Variants in ANKRD62 observed in about 807,000 individuals in gnomAD.
ANKRD62 encodes the protein ankyrin repeat domain-containing protein 62.
Under a neutral mutation model 98.8 loss-of-function variants are expected in ANKRD62, and 61 were observed. That is an observed-to-expected ratio of 0.62 (90% confidence interval 0.50 to 0.76). ANKRD62 has a LOEUF of 0.76. Among genes scored for constraint, ANKRD62 ranks in the 30% least tolerant of loss-of-function variants. ANKRD62 has a pLI of 0.00. For synonymous variants in ANKRD62, 341 were observed against 367.9 expected (o/e 0.93, Z 0.84); for missense variants, 933 against 1,082.9 (o/e 0.86, Z 1.94).
chr18:12,169,994 A>G, the ANKRD62 span, among the ~76,000 whole-genome samples: 1 of 151,950 alleles, frequency 6.6e-6, no homozygotes, highest in African/African-American at 2.4e-5. Context: ...ATCATTTTTT[A>G]TTGCATCTAT....
chr18:12,158,146 G>T, the ANKRD62 span, among the ~76,000 whole-genome samples: 3 of 152,212 alleles, frequency 2.0e-5, no homozygotes, highest in East Asian at 5.8e-4. Flanking sequence ...TCAGAGACAG[G>T]CCTAGGTCTA....
rs1909549532 is a variant in ANKRD62, at chr18:12,111,973, G to A, written c.1065-3115G>A. ...AAAAATACAAAAATTAGCCGGGCGT[G>A]GTGGCAGGCACCTGTAATCTCAGTT... On this transcript the variant is annotated intron_variant, in intron 8 of 13. Transcript: ENST00000587848. Among the ~76,000 whole-genome samples, 6 of 152,106 alleles carry A rather than the reference G, an allele frequency of 3.9e-5. No individual in the cohort carries two copies. The South Asian group carries it at 8.3e-4, about 21-fold the overall frequency.
the ANKRD62 span, among the ~76,000 whole-genome samples, chr18:12,152,595 G>C: frequency 6.6e-6 from 1 of 152,146 alleles, no homozygotes; most frequent in African/African-American, 2.4e-5. Context: ...AATAATAAGA[G>C]CTATTCATGA....
the ANKRD62 span, among the ~76,000 whole-genome samples, chr18:12,159,276 T>C: frequency 1.3e-5 from 2 of 152,222 alleles, no homozygotes; most frequent in Non-Finnish European, 2.9e-5. Context: ...ATTTAGTTCA[T>C]TTTCTTTAAC....
chr18:12,133,522 A>G (rs1910036984), downstream of ANKRD62, among the ~76,000 whole-genome samples: 2 of 152,114 alleles, frequency 1.3e-5, no homozygotes, highest in South Asian at 2.1e-4. Context: ...GAGGGTTCCA[A>G]TTTCTTCACA....
chr18:12,174,294 T>C, the ANKRD62 span, among the ~76,000 whole-genome samples: 221 of 152,368 alleles, frequency 1.5e-3, 1 homozygote, highest in Non-Finnish European at 1.1e-3. Flanking sequence ...GTTCTGCTAT[T>C]AATACTTGGG....
intron 11 of ANKRD62, among the ~76,000 whole-genome samples, chr18:12,122,915 A>G (rs961972095): frequency 2.4e-4 from 37 of 152,300 alleles, no homozygotes; most frequent in Non-Finnish European, 4.6e-4. Flanking sequence ...GGAGCTTTTT[A>G]AAAGAGATCG....
chr18:12,122,258 C>A, intron 10 of ANKRD62, 45 bp from the exon 11 acceptor site: 4 of 1,406,496 alleles, frequency 2.8e-6, no homozygotes, highest in Non-Finnish European at 2.9e-6. Context: ...TATTTAAAAA[C>A]CTACTCATGT....
intron 5 of ANKRD62, among the ~76,000 whole-genome samples, chr18:12,098,987 G>A (rs1909243244): frequency 6.6e-6 from 1 of 152,192 alleles, no homozygotes; most frequent in African/African-American, 2.4e-5. Flanking sequence ...CTATTTTAAT[G>A]AGACAATCTA....
At chr18:12,138,011 G>T in the ANKRD62 span, among the ~76,000 whole-genome samples, 1 of 151,912 alleles carries the variant, frequency 6.6e-6, no homozygotes, top group South Asian at 2.1e-4. Context: ...TGGATTCATT[G>T]ATTTTTTGAA....
At chr18:12,137,724 G>A in the ANKRD62 span, among the ~76,000 whole-genome samples, 1 of 152,194 alleles carries the variant, frequency 6.6e-6, no homozygotes, top group Non-Finnish European at 1.5e-5. Flanking sequence ...CTCAATTTCA[G>A]AGCCTGCTAT....
At chr18:12,120,086 CTT>C (rs975675565) in intron 10 of ANKRD62, among the ~76,000 whole-genome samples, 6 of 152,012 alleles carry the variant, frequency 3.9e-5, no homozygotes, top group African/African-American at 1.2e-4. Flanking sequence ...TTTACTTAAT[CTT>C]TTTAATGAGA....
rs1315252216 is a variant in ANKRD62 at position 12,107,393 on chromosome 18, A to G, written c.990A>G (p.Glu330=). 8 of 1,526,592 alleles carry G rather than the reference A, an allele frequency of 5.2e-6. No individual in the cohort carries two copies. Among genetic ancestry groups the G allele is most frequent in the African/African-American group, 2.8e-5 (2 of 72,696 alleles). The allele number at this position is 1,526,592 out of a possible 1,614,324, so 94.6% of individuals were successfully genotyped here. A position where few individuals can be genotyped will look rare whatever the true frequency, so the allele number is the denominator to read the frequency against. ...DSDNYNDDVD[E]LIHKIKNRKP... ...ACAATTATAATGATGATGTTGATGA[A>G]TTAATTCACAAAATAAAGAACAGAA... The change falls in exon 8 of 14, where the codon GAA becomes GAG. Residue 330 remains glutamate, a synonymous_variant. Transcript: ENST00000587848.
At chr18:12,116,358 G>A (rs1384573209) in intron 10 of ANKRD62, among the ~76,000 whole-genome samples, 2 of 152,172 alleles carry the variant, frequency 1.3e-5, no homozygotes, top group East Asian at 3.8e-4. Flanking sequence ...TTTATTTGTA[G>A]CCATTCTTAT....
chr18:12,118,814 G>C (rs1909723788), intron 10 of ANKRD62, among the ~76,000 whole-genome samples: 1 of 151,690 alleles, frequency 6.6e-6, no homozygotes, highest in Admixed American at 6.6e-5. Context: ...TTCACAAATT[G>C]GTTCAATTTT....
the ANKRD62 span, among the ~76,000 whole-genome samples, chr18:12,136,175 AG>A: frequency 6.6e-6 from 1 of 151,920 alleles, no homozygotes; most frequent in African/African-American, 2.4e-5. Flanking sequence ...TTATGGTTTT[AG>A]GTCTAACATT....
the ANKRD62 span, among the ~76,000 whole-genome samples, chr18:12,165,903 T>G: frequency 6.6e-6 from 1 of 152,142 alleles, no homozygotes; most frequent in Non-Finnish European, 1.5e-5. Flanking sequence ...CCAGATATAC[T>G]ATTCTAGAGT....
chr18:12,096,856 G>GT (rs770276623), intron 4 of ANKRD62, among the ~76,000 whole-genome samples: 28 of 152,148 alleles, frequency 1.8e-4, no homozygotes, highest in African/African-American at 6.7e-4. Context: ...GGTTCATTGG[G>GT]TTTTTTCTTC....
intron 9 of ANKRD62, 104 bp from the exon 10 acceptor site, chr18:12,115,289 T>C: frequency 3.1e-6 from 4 of 1,305,882 alleles, no homozygotes; most frequent in Non-Finnish European, 4.0e-6. Context: ...GAAGTACCTG[T>C]GTTTTTGCTC....
Sources: allele counts gnomAD v4.1 joint callset (sites outside exome capture counted in the v4.1 genomes callset), GRCh38; gene constraint gnomAD v4.1.1; transcripts MANE v1.5; gene names NCBI Gene and HGNC (gene_info 2026-07-23, HGNC 2026-07-21).